Variants in COL24A1 observed in about 807,000 individuals in gnomAD.
The protein encoded by COL24A1 is collagen type XXIV alpha 1 chain.
In COL24A1, 224 loss-of-function variants were observed where a neutral mutation model predicts 253.9. The observed-to-expected ratio is 0.88, with a 90% CI of 0.79 to 0.99. COL24A1 has a LOEUF of 0.99. COL24A1 is among the 50% of genes least tolerant of loss of function. COL24A1 has a pLI of 0.00. For missense variants in COL24A1, 2,131 were observed against 2,068.5 expected, an observed-to-expected ratio of 1.03 and a Z score of -0.59; for synonymous variants, 685 against 673.7, an observed-to-expected ratio of 1.02 and a Z score of -0.26.
intron 51 of COL24A1, among the ~76,000 whole-genome samples, chr1:85,782,293 G>T (rs944021387): frequency 6.6e-6 from 1 of 152,156 alleles, no homozygotes; most frequent in Non-Finnish European, 1.5e-5. Flanking sequence ...TTACCATATT[G>T]ATCAGGCTAG....
intron 24 of COL24A1, among the ~76,000 whole-genome samples, chr1:85,915,696 T>G (rs1022368131): frequency 6.6e-5 from 10 of 152,244 alleles, no homozygotes; most frequent in Non-Finnish European, 1.3e-4. Context: ...TCGCCTGGGC[T>G]GGAGTGCAGT....
intron 2 of COL24A1, among the ~76,000 whole-genome samples, chr1:86,130,145 G>A (rs1648936762): frequency 6.6e-6 from 1 of 151,694 alleles, no homozygotes; most frequent in South Asian, 2.1e-4. Context: ...TATATTTTTG[G>A]CATTACCTTA....
chr1:86,006,714 G>C (rs1457731133), intron 19 of COL24A1, among the ~76,000 whole-genome samples: 1 of 151,794 alleles, frequency 6.6e-6, no homozygotes, highest in Non-Finnish European at 1.5e-5. Flanking sequence ...CCACAGACGG[G>C]AAGAAAATAT....
intron 7 of COL24A1, among the ~76,000 whole-genome samples, chr1:86,084,984 T>C (rs1338031300): frequency 1.3e-5 from 2 of 152,196 alleles, no homozygotes; most frequent in East Asian, 1.9e-4. Flanking sequence ...CAGATTTTTA[T>C]AGGAATAATA....
chr1:86,054,975 A>C (rs191379283), intron 10 of COL24A1, among the ~76,000 whole-genome samples: 32 of 152,244 alleles, frequency 2.1e-4, no homozygotes, highest in African/African-American at 6.0e-4. Context: ...AAATGAACAA[A>C]ATCCTATCCT....
At chr1:85,778,782 T>G (rs146897429) in intron 52 of COL24A1, among the ~76,000 whole-genome samples, 26 of 152,148 alleles carry the variant, frequency 1.7e-4, no homozygotes, top group Non-Finnish European at 3.1e-4. Context: ...TTTTGTATTT[T>G]TAGTAGAGAT....
intron 12 of COL24A1, among the ~76,000 whole-genome samples, chr1:86,042,325 T>C (rs1052567878): frequency 2.0e-5 from 3 of 152,138 alleles, no homozygotes; most frequent in Admixed American, 2.0e-4. Flanking sequence ...ATATACCAAA[T>C]TCCTAACAAA....
intron 7 of COL24A1, among the ~76,000 whole-genome samples, chr1:86,063,984 T>A (rs572760568): frequency 8.0e-4 from 122 of 152,184 alleles, no homozygotes; most frequent in African/African-American, 2.9e-3. Flanking sequence ...TAATCTTGCA[T>A]GTTATTTTAA....
At chr1:85,854,705 G>GTT in intron 37 of COL24A1, among the ~76,000 whole-genome samples, 2 of 141,278 alleles carry the variant, frequency 1.4e-5, no homozygotes, top group Admixed American at 1.4e-4. Flanking sequence ...GTATTCCTAG[G>GTT]TTTTTGTTTT....
Position 85,784,379 on chromosome 1 carries a change from C to T in COL24A1, c.4060-13G>A, listed in dbSNP as rs762118085. On this transcript the variant is annotated splice_polypyrimidine_tract_variant and intron_variant, in intron 48 of 59. Coordinates refer to ENST00000370571, the MANE Select transcript of COL24A1 (RefSeq NM_152890.7). ...GCCCTTGTTCACCCTATGGGTAGAACAAAGAAAAGCGATCTTTACATCAGA... is the reference window on the plus strand; with the variant it reads ...GCCCTTGTTCACCCTATGGGTAGAATAAAGAAAAGCGATCTTTACATCAGA... 6.3e-7 allele frequency: 1 copy of T among 1,580,074 alleles called. No homozygotes were observed. The highest frequency in any genetic ancestry group is 1.1e-5 in the South Asian group (1 of 90,358).
At position 86,059,139 on chromosome 1, in the gene COL24A1, G is replaced by T. The variant is rs369612216; in HGVS notation, c.1788C>A (p.Pro596=). Residue 596 remains proline, a synonymous_variant, in exon 9 of 60, where the codon CCC becomes CCA. Coordinates refer to ENST00000370571, the MANE Select transcript of COL24A1 (RefSeq NM_152890.7). ...ACTGCACCTGCCTGCCAGGGTAACCGGGTGAACCAATATTACCAGCAAATC... is the reference window on the plus strand; with the variant it reads ...ACTGCACCTGCCTGCCAGGGTAACCTGGTGAACCAATATTACCAGCAAATC... ...IPGFAGNIGS[P]GYPGRQGLAG... is the part of the protein sequence containing the mutation. 1 of 1,610,900 alleles carries T rather than the reference G, an allele frequency of 6.2e-7. No individual in the cohort carries two copies. The highest frequency in any genetic ancestry group is 8.5e-7 in the Non-Finnish European group (1 of 1,178,174).
chr1:86,041,196 T>C (rs1479304852), intron 12 of COL24A1, among the ~76,000 whole-genome samples: 1 of 152,188 alleles, frequency 6.6e-6, no homozygotes, highest in Non-Finnish European at 1.5e-5. Flanking sequence ...GGCTGTGATA[T>C]TTTTATCTTC....
At chr1:85,849,218 T>C (rs1677484853) in intron 38 of COL24A1, 135 bp downstream of exon 38, 4 of 468,602 alleles carry the variant, frequency 8.5e-6, no homozygotes, top group Non-Finnish European at 3.8e-6. Context: ...TTTATATAAA[T>C]GTATCTTTTA....
At chr1:85,862,290 A>C (rs913384647) in intron 37 of COL24A1, among the ~76,000 whole-genome samples, 1 of 152,216 alleles carries the variant, frequency 6.6e-6, no homozygotes. Flanking sequence ...GAAGGTACTC[A>C]AAAACTTCAT....
rs147604639 is a variant in COL24A1 at position 86,007,641 on chromosome 1, C to T, written c.2310+9510G>A. ...TTATTCAGTGCTAAAAAGAAATGAG[C>T]TATGAAGCCATGAAAAAACATGGAG... is the stretch of plus-strand genomic sequence containing the variant. On this transcript the variant is annotated intron_variant, in intron 19 of 59. Transcript: ENST00000370571. Among the ~76,000 whole-genome samples, 376 of 152,154 alleles carry T rather than the reference C, an allele frequency of 2.5e-3. 10 individuals carry two copies. In the East Asian group the frequency reaches 0.047, roughly 19 times the overall value.
At chr1:85,969,604 CAAAAAAAAAAAAAAAAA>C (rs61128567) in intron 22 of COL24A1, among the ~76,000 whole-genome samples, 473 of 27,500 alleles carry the variant, frequency 0.017, 7 homozygotes, top group Non-Finnish European at 0.024. Flanking sequence ...GACTCTGTCT[CAAAAAAAAAAAAAAAAA>C]AAAAAAAAAA....
At position 86,033,918 on chromosome 1, in the gene COL24A1, A is replaced by G. The variant is rs755113367; in HGVS notation, c.1956T>C (p.Phe652=). Residue 652 remains phenylalanine, a synonymous_variant, in exon 13 of 60, where the codon TTT becomes TTC. Coordinates refer to ENST00000370571, the MANE Select transcript of COL24A1 (RefSeq NM_152890.7). ...GGCCTCTGTCTCCAAAGTCACCTGG[A>G]AAACCCTGTCACAGGGAAAGAGGAA... ...GKKGFKGRQG[F]PGDFGDRGPA... 3.1e-6 allele frequency: 5 copies of G among 1,594,958 alleles called. No individual in the cohort carries two copies. The highest frequency in any genetic ancestry group is 1.7e-4 in the Middle Eastern group (1 of 6,026).
At chr1:85,826,940 T>A (rs550345884) in intron 43 of COL24A1, among the ~76,000 whole-genome samples, 1 of 152,176 alleles carries the variant, frequency 6.6e-6, no homozygotes, top group African/African-American at 2.4e-5. Context: ...CTAATTGCCC[T>A]GGCCAGAACT....
intron 2 of COL24A1, among the ~76,000 whole-genome samples, chr1:86,128,220 A>G (rs911073450): frequency 3.9e-5 from 6 of 152,046 alleles, no homozygotes; most frequent in African/African-American, 1.2e-4. Flanking sequence ...AATATACAAT[A>G]TAAATTACTT....
Sources: allele counts gnomAD v4.1 joint callset (sites outside exome capture counted in the v4.1 genomes callset), GRCh38; gene constraint gnomAD v4.1.1; transcripts MANE v1.5; gene names NCBI Gene and HGNC (gene_info 2026-07-23, HGNC 2026-07-21).